The following GKAP1 variants were observed in gnomAD, a reference collection of about 807,000 sequenced individuals.
The protein encoded by GKAP1 is G kinase-anchoring protein 1.
GKAP1 carries 31 observed loss-of-function variants against 56.7 expected under a neutral mutation model. The ratio of observed to expected loss-of-function variants is 0.55; its 90% CI spans 0.41 to 0.74. The LOEUF (loss-of-function observed/expected upper bound fraction) is 0.74, where lower values mean the gene tolerates loss of function less well. GKAP1 is among the 30% of genes least tolerant of loss of function. The pLI, the probability that GKAP1 is intolerant of heterozygous loss-of-function variation, is 0.00. For synonymous variants in GKAP1, 151 were observed against 138.6 expected, an observed-to-expected ratio of 1.09 and a Z score of -0.63; for missense variants, 364 against 402.3, an observed-to-expected ratio of 0.90 and a Z score of 0.82.
intron 2 of GKAP1, among the ~76,000 whole-genome samples, chr9:83,813,170 C>A (rs1944535731): frequency 6.6e-6 from 1 of 152,178 alleles, no homozygotes; most frequent in South Asian, 2.1e-4. Context: ...GCTCTTCTCC[C>A]TCCCTCTCTA....
At chr9:83,805,549 C>T (rs1944425766) in intron 3 of GKAP1, among the ~76,000 whole-genome samples, 1 of 151,554 alleles carries the variant, frequency 6.6e-6, no homozygotes, top group Non-Finnish European at 1.5e-5. Flanking sequence ...TCTGTATTTA[C>T]CAATATGGAA....
At chr9:83,776,026 G>C (rs1368126018) in intron 7 of GKAP1, among the ~76,000 whole-genome samples, 1 of 152,014 alleles carries the variant, frequency 6.6e-6, no homozygotes, top group East Asian at 1.9e-4. Flanking sequence ...CGCCTGAAGT[G>C]AAGGAACAGA....
chr9:83,758,023 A>C (rs1308678920), intron 8 of GKAP1, among the ~76,000 whole-genome samples: 5 of 152,188 alleles, frequency 3.3e-5, no homozygotes, highest in Non-Finnish European at 5.9e-5. Flanking sequence ...AGGGTAATTA[A>C]TAAAACAGAG....
chr9:83,745,085 T>C (rs756330231), intron 10 of GKAP1, among the ~76,000 whole-genome samples: 31 of 152,208 alleles, frequency 2.0e-4, no homozygotes, highest in Non-Finnish European at 1.8e-4. Flanking sequence ...TTGCCCAGGC[T>C]GGAGTGCAGT....
chr9:83,789,152 C>T (rs1197403891), intron 4 of GKAP1: 1 of 152,258 alleles, frequency 6.6e-6, no homozygotes, highest in Non-Finnish European at 1.5e-5. Context: ...CTGGCATATG[C>T]CAGGTGTTAC....
At chr9:83,784,567 C>A in intron 6 of GKAP1, 148 bp downstream of exon 6, 1 of 566,858 alleles carries the variant, frequency 1.8e-6, no homozygotes, top group Non-Finnish European at 2.9e-6. Flanking sequence ...ACAAAACGAA[C>A]TAAGACAAAG....
chr9:83,784,695 T>C lies in GKAP1; in HGVS notation c.562+20A>G, dbSNP rs747347220. The C allele has an allele frequency of 2.0e-6, 3 of 1,522,022 alleles. No homozygotes were observed. The highest frequency in any genetic ancestry group is 2.5e-5 in the South Asian group (2 of 79,662). 94.3% of individuals were successfully genotyped at this position (1,522,022 alleles called of 1,614,324 possible). A position where few individuals can be genotyped will look rare whatever the true frequency, so the allele number is the denominator to read the frequency against. On this transcript the variant is annotated intron_variant, in intron 6 of 12. Coordinates refer to ENST00000376371, the MANE Select transcript of GKAP1 (RefSeq NM_025211.4). ...ATGTAGAATAGTTCTTTTAGCATAA[T>C]AGCATTGTATATACATTACCTTCCG...
rs1943358972 is a variant in GKAP1 at position 83,749,896 on chromosome 9, G to A, written c.841-1524C>T. 2.0e-5 allele frequency among the ~76,000 whole-genome samples: 3 copies of A among 152,174 alleles called. No homozygotes were observed. In the South Asian group the frequency reaches 6.2e-4, roughly 32 times the overall value. On this transcript the variant is annotated intron_variant, in intron 9 of 12. Transcript: ENST00000376371. ...GCTCAGAAATGAACAAGGGAGACCA[G>A]TCAAATGGAAACATAAAAATATAAT...
intron 4 of GKAP1, among the ~76,000 whole-genome samples, chr9:83,796,717 T>C (rs1189704086): frequency 6.6e-6 from 1 of 152,150 alleles, no homozygotes; most frequent in Admixed American, 6.5e-5. Flanking sequence ...TCCGCCCACC[T>C]AGGCCTCCCA....
At chr9:83,808,384 C>T (rs1944466773) in intron 2 of GKAP1, among the ~76,000 whole-genome samples, 1 of 152,046 alleles carries the variant, frequency 6.6e-6, no homozygotes, top group African/African-American at 2.4e-5. Context: ...TCACTGGAGG[C>T]CAGGAGTTCG....
chr9:83,810,987 CAAT>C (rs1237000936), intron 2 of GKAP1, among the ~76,000 whole-genome samples: 1 of 152,134 alleles, frequency 6.6e-6, no homozygotes, highest in East Asian at 1.9e-4. Flanking sequence ...AACTGTAACA[CAAT>C]GGTAAGTATT....
At chr9:83,771,998 T>C (rs1016992558) in intron 7 of GKAP1, among the ~76,000 whole-genome samples, 8 of 152,268 alleles carry the variant, frequency 5.3e-5, no homozygotes, top group African/African-American at 1.9e-4. Flanking sequence ...AAGTTTCTTT[T>C]TGATCTAGAG....
rs544011609 is a variant in GKAP1, at chr9:83,763,891, T to C, written c.738+4927A>G. 5.9e-5 allele frequency among the ~76,000 whole-genome samples: 9 copies of C among 152,332 alleles called. No individual in the cohort carries two copies. In the South Asian group the frequency reaches 1.0e-3, roughly 18 times the overall value. On this transcript the variant is annotated intron_variant, in intron 8 of 12. Coordinates refer to ENST00000376371, the MANE Select transcript of GKAP1 (RefSeq NM_025211.4). ...TTCAAAGTCTGTTCTCTTTCCACTA[T>C]GTCAAACTATCACTTCGGTTTAAAT...
At chr9:83,749,507 C>T (rs1350874450) in intron 9 of GKAP1, among the ~76,000 whole-genome samples, 4 of 152,020 alleles carry the variant, frequency 2.6e-5, no homozygotes, top group African/African-American at 9.7e-5. Flanking sequence ...GGATTACAGG[C>T]GTGAGCCACT....
chr9:83,793,104 G>A, intron 4 of GKAP1: 1 of 493,528 alleles, frequency 2.0e-6, no homozygotes, highest in East Asian at 1.1e-4. Flanking sequence ...AAAACCTAAA[G>A]GACAGTAAAT....
chr9:83,747,189 T>C (rs920425010), intron 10 of GKAP1, among the ~76,000 whole-genome samples: 1 of 152,222 alleles, frequency 6.6e-6, no homozygotes, highest in African/African-American at 2.4e-5. Flanking sequence ...CTATTATGAA[T>C]GGAAAATTTT....
intron 7 of GKAP1, among the ~76,000 whole-genome samples, chr9:83,779,448 T>TACAC (rs368970118): frequency 0.013 from 1,497 of 119,600 alleles, 61 homozygotes; most frequent in African/African-American, 0.044. Context: ...TATATATATA[T>TACAC]ACACACACAC....
At chr9:83,762,351 A>C (rs1345412181) in intron 8 of GKAP1, among the ~76,000 whole-genome samples, 2 of 152,116 alleles carry the variant, frequency 1.3e-5, no homozygotes, top group East Asian at 3.8e-4. Context: ...GAATTAACCA[A>C]ACAAGATCTC....
At chr9:83,810,721 T>C (rs1216276107) in intron 2 of GKAP1, among the ~76,000 whole-genome samples, 1 of 152,222 alleles carries the variant, frequency 6.6e-6, no homozygotes, top group Non-Finnish European at 1.5e-5. Flanking sequence ...TCTTGAGTTG[T>C]TGTAAAGACT....
Sources: allele counts gnomAD v4.1 joint callset (sites outside exome capture counted in the v4.1 genomes callset), GRCh38; gene constraint gnomAD v4.1.1; transcripts MANE v1.5; gene names NCBI Gene and HGNC (gene_info 2026-07-23, HGNC 2026-07-21).